Variants in SETD7 observed in about 807,000 individuals in gnomAD.
SETD7 encodes SET domain containing 7, histone lysine methyltransferase, also known as histone-lysine N-methyltransferase SETD7.
SETD7 carries 16 observed loss-of-function variants against 41.8 expected under a neutral mutation model. The ratio of observed to expected loss-of-function variants is 0.38; its 90% CI spans 0.26 to 0.58. The LOEUF is 0.58. Ranked by LOEUF, SETD7 falls within the 20% of genes least tolerant of loss-of-function variation. The pLI, the probability that SETD7 is intolerant of heterozygous loss-of-function variation, is 0.64. For missense variants in SETD7, 346 were observed against 459.7 expected (o/e 0.75, Z 2.26); for synonymous variants, 163 against 169.7 (o/e 0.96, Z 0.31).
chr4:139,539,018 T>A (rs1180328434), intron 2 of SETD7, among the ~76,000 whole-genome samples: 3 of 152,238 alleles, frequency 2.0e-5, no homozygotes, highest in Non-Finnish European at 4.4e-5. Flanking sequence ...TAGACTTACA[T>A]ATCTGCATTT....
chr4:139,504,714 A>G (rs1050523390), downstream of SETD7, among the ~76,000 whole-genome samples: 1 of 152,184 alleles, frequency 6.6e-6, no homozygotes, highest in African/African-American at 2.4e-5. Context: ...GATATTGGTA[A>G]CCATCCCATT....
chr4:139,523,946 G>A (rs565284298), intron 4 of SETD7, among the ~76,000 whole-genome samples: 5 of 152,096 alleles, frequency 3.3e-5, no homozygotes, highest in Admixed American at 6.6e-5. Context: ...TTTCTATTAC[G>A]GTAGTTCAGA....
chr4:139,494,705 T>A (rs946110953), downstream of SETD7, among the ~76,000 whole-genome samples: 1 of 152,222 alleles, frequency 6.6e-6, no homozygotes, highest in Non-Finnish European at 1.5e-5. Context: ...ATACATAAAT[T>A]GATACTGGAT....
intron 2 of SETD7, among the ~76,000 whole-genome samples, chr4:139,538,241 A>G (rs1727692521): frequency 6.6e-6 from 1 of 152,242 alleles, no homozygotes; most frequent in South Asian, 2.1e-4. Context: ...TTGTAAAACA[A>G]ACACATAAAA....
downstream of SETD7, among the ~76,000 whole-genome samples, chr4:139,503,713 A>G (rs1726633950): frequency 6.6e-6 from 1 of 151,974 alleles, no homozygotes; most frequent in South Asian, 2.1e-4. Context: ...TTCTCTGAGG[A>G]AAATAAGAAA....
chr4:139,497,415 A>G (rs1355206452), intron 7 of SETD7, among the ~76,000 whole-genome samples: 1 of 151,482 alleles, frequency 6.6e-6, no homozygotes, highest in Admixed American at 6.6e-5. Flanking sequence ...AGATTGCGCC[A>G]TTACTAAACT....
rs1459355023 is a variant in SETD7 at position 139,556,200 on chromosome 4, C to T, written c.-63G>A. 7 of 1,535,106 alleles carry T rather than the reference C, an allele frequency of 4.6e-6. No individual in the cohort carries two copies. The highest frequency in any genetic ancestry group is 3.6e-5 in the South Asian group (3 of 82,552). On this transcript the variant is annotated 5_prime_UTR_variant, in exon 1 of 8. Coordinates refer to ENST00000274031, the MANE Select transcript of SETD7 (RefSeq NM_030648.4). ...CTGCCTCCCGTCCCTCTGGGTGCTC[C>T]CGGCGGCTGAGCGAGCTCTGGGGCT...
In SETD7 at chr4:139,522,741, C is replaced by CTTTT. The variant is rs11357611; in HGVS notation, c.644+609_644+612dup. Among the ~76,000 whole-genome samples the CTTTT allele has an allele frequency of 6.4e-3, 596 of 93,422 alleles. 23 individuals carry two copies. Among genetic ancestry groups the CTTTT allele is most frequent in the African/African-American group, 0.015 (341 of 22,664 alleles). 61.3% of individuals were successfully genotyped at this position (93,422 alleles called of 152,430 possible). On this transcript the variant is annotated intron_variant, in intron 5 of 7. Coordinates refer to ENST00000274031, the MANE Select transcript of SETD7 (RefSeq NM_030648.4). ...CAGCTGGCTGCCTGGCCCAGCTGCTCTTTTTTTTTTTTTTTTTTTTTTTTT... is the reference window on the plus strand; with the variant it reads ...CAGCTGGCTGCCTGGCCCAGCTGCTCTTTTTTTTTTTTTTTTTTTTTTTTTTTTT...
intron 1 of SETD7, among the ~76,000 whole-genome samples, chr4:139,554,276 C>CA (rs1292903007): frequency 1.3e-5 from 2 of 152,116 alleles, no homozygotes; most frequent in African/African-American, 2.4e-5. Flanking sequence ...TGGATGTTCT[C>CA]AAAAAACAAT....
chr4:139,525,661 G>A (rs1727306056), intron 4 of SETD7, among the ~76,000 whole-genome samples: 1 of 152,178 alleles, frequency 6.6e-6, no homozygotes, highest in South Asian at 2.1e-4. Flanking sequence ...AAATGGAGAA[G>A]CTGGTGAGGC....
In SETD7 at chr4:139,517,596, G is replaced by A. The variant is rs138263999; in HGVS notation, c.920+289C>T. Among the ~76,000 whole-genome samples, 6 of 151,798 alleles carry A rather than the reference G, an allele frequency of 4.0e-5. No individual in the cohort carries two copies. The East Asian group carries it at 1.2e-3, about 29-fold the overall frequency. On this transcript the variant is annotated intron_variant, in intron 7 of 7. Coordinates refer to ENST00000274031, the MANE Select transcript of SETD7 (RefSeq NM_030648.4). ...TTTAATTGTCCAAAACGAGAAAACT[G>A]AAGGACAAGAAAAGCGGCTATAAAA...
chr4:139,543,383 C>G (rs1727833034), intron 2 of SETD7, among the ~76,000 whole-genome samples: 1 of 152,208 alleles, frequency 6.6e-6, no homozygotes, highest in Admixed American at 6.5e-5. Flanking sequence ...TTGTAAGACT[C>G]TCTTACTAAT....
rs74964521 is a variant in SETD7 at position 139,500,220 on chromosome 4, T to C, written c.921-3699A>G. Among the ~76,000 whole-genome samples, 256 of 152,222 alleles carry C rather than the reference T, an allele frequency of 1.7e-3. 1 individual carries two copies. Among genetic ancestry groups the C allele is most frequent in the African/African-American group, 5.8e-3 (239 of 41,536 alleles). On this transcript the variant is annotated intron_variant, in intron 7 of 7. Coordinates refer to the SETD7 transcript ENST00000506866. ...ATGCCTAATGCCATATCTCAGCACA[T>C]TCTACTGTTTCTTCCTATGATGCAC...
chr4:139,512,752 C>CTTTTTTTTTTTTTTTTT (rs140570195), intron 7 of SETD7, among the ~76,000 whole-genome samples: 12 of 75,538 alleles, frequency 1.6e-4, no homozygotes, highest in Non-Finnish European at 2.0e-4. Context: ...TTTTCTTATT[C>CTTTTTTTTTTTTTTTTT]TTTTTTTTTT....
At chr4:139,544,290 CTAAAA>C (rs56306311) in intron 2 of SETD7, among the ~76,000 whole-genome samples, 32,454 of 135,758 alleles carry the variant, frequency 0.24, 3,987 homozygotes, top group East Asian at 0.42. Flanking sequence ...GAGAACCCAT[CTAAAA>C]TAAAATAAAA....
rs150645930 is a variant in SETD7 at position 139,514,719 on chromosome 4, C to T, written c.921-2876G>A. On this transcript the variant is annotated intron_variant, in intron 7 of 7. Transcript: ENST00000274031. ...GAGTGGTCTATAAACGTGAGCTACA[C>T]GATTAGCAGTCAAACCAAACCTCTG... Among the ~76,000 whole-genome samples, 579 of 152,302 alleles carry T rather than the reference C, an allele frequency of 3.8e-3. 3 individuals carry two copies. The highest frequency in any genetic ancestry group is 0.013 in the African/African-American group (547 of 41,564).
intron 1 of SETD7, 129 bp from the exon 2 acceptor site, chr4:139,547,178 C>T (rs1034744788): frequency 1.7e-6 from 2 of 1,197,406 alleles, no homozygotes; most frequent in Non-Finnish European, 1.2e-6. Flanking sequence ...GGGTCCCCTC[C>T]CTGGAAAGAA....
intron 2 of SETD7, 131 bp downstream of exon 2, chr4:139,546,789 C>G: frequency 8.0e-7 from 1 of 1,256,946 alleles, no homozygotes; most frequent in Non-Finnish European, 1.1e-6. Flanking sequence ...GCAGTGCCTA[C>G]AGGTAGGGGT....
At chr4:139,533,977 G>A (rs1194880629) in intron 2 of SETD7, among the ~76,000 whole-genome samples, 1 of 152,004 alleles carries the variant, frequency 6.6e-6, no homozygotes, top group Non-Finnish European at 1.5e-5. Flanking sequence ...ATGTATGTAT[G>A]TATGTATGTA....
Sources: gnomAD v4.1 joint callset for allele counts (sites outside exome capture counted in the v4.1 genomes callset) on GRCh38, gnomAD v4.1.1 for gene constraint, MANE v1.5 for transcripts, NCBI Gene and HGNC (gene_info 2026-07-23, HGNC 2026-07-21) for gene names.